The following ILKAP variants were observed in gnomAD, a reference collection of about 807,000 sequenced individuals.
The protein encoded by ILKAP is ILK associated serine/threonine phosphatase.
ILKAP carries 11 observed loss-of-function variants against 49.1 expected under a neutral mutation model. The observed-to-expected ratio is 0.22, with a 90% CI of 0.14 to 0.37. The LOEUF is 0.37. ILKAP is among the 10% of genes least tolerant of loss of function. ILKAP has a pLI of 1.00. For missense variants in ILKAP, 363 were observed against 510.8 expected, an observed-to-expected ratio of 0.71 and a Z score of 2.79; for synonymous variants, 186 against 192.8, an observed-to-expected ratio of 0.96 and a Z score of 0.29.
At chr2:238,203,255 G>A (rs952016913) in intron 1 of ILKAP, among the ~76,000 whole-genome samples, 2 of 150,936 alleles carry the variant, frequency 1.3e-5, no homozygotes, top group African/African-American at 4.8e-5. Flanking sequence ...ACGACGGCTC[G>A]GCCCTTTCCT....
rs143967497 is a variant in ILKAP, at chr2:238,170,575, G to T, written c.1140C>A (p.Ala380=). The T allele has an allele frequency of 1.2e-6, 2 of 1,606,924 alleles. No homozygotes were observed. Among genetic ancestry groups the T allele is most frequent in the Non-Finnish European group, 1.7e-6 (2 of 1,174,514 alleles). ...GCACCACCATCACAGTGACGTTGTC[G>T]GCCGAGCCCCGCTGCACCGCCTTGT... The part of the protein sequence containing the change: ...LANKAVQRGS[A]DNVTVMVVRI... The change falls in exon 12 of 12, where the codon GCC becomes GCA. Residue 380 remains alanine, a synonymous_variant. Transcript: ENST00000254654.
chr2:238,188,338 G>T, intron 4 of ILKAP, 81 bp from the exon 5 acceptor site: 1 of 1,508,754 alleles, frequency 6.6e-7, no homozygotes. Flanking sequence ...AAATGAGAGG[G>T]AACTATGACT....
chr2:238,189,924 C>T lies in ILKAP; in HGVS notation c.227G>A (p.Gly76Glu). 1 of 1,613,954 alleles carries T rather than the reference C, an allele frequency of 6.2e-7. No individual in the cohort carries two copies. The highest frequency in any genetic ancestry group is 8.5e-7 in the Non-Finnish European group (1 of 1,179,856). ...ISQMVKTEGK[G>E]AKRKTSEEEK... ...TTCCTCGGAGGTTTTTCTCTTTGCT[C>T]CTTTCCCTTCAGTCTTTACCATCTG... The change falls in exon 4 of 12, where the codon GGA becomes GAA. Residue 76 changes from glycine to glutamate, a missense_variant. By Grantham distance (98) the Gly-to-Glu change is moderately conservative. Transcript: ENST00000254654.
rs576301921 is a variant in ILKAP, at chr2:238,179,619, T to C, written c.836+2446A>G. ...CTGATGACGCAAGGCAACAGGAGCATCCGGCTGTCACCACCGGAGCCAAGT... is the reference window on the plus strand; with the variant it reads ...CTGATGACGCAAGGCAACAGGAGCACCCGGCTGTCACCACCGGAGCCAAGT... On this transcript the variant is annotated intron_variant, in intron 9 of 11. Coordinates refer to ENST00000254654, the MANE Select transcript of ILKAP (RefSeq NM_030768.3). Among the ~76,000 whole-genome samples, 15 of 152,224 alleles carry C rather than the reference T, an allele frequency of 9.9e-5. No individual in the cohort carries two copies. In the South Asian group the frequency reaches 2.5e-3, roughly 25 times the overall value.
chr2:238,185,806 A>AG (rs996900924), intron 5 of ILKAP: 8 of 153,468 alleles, frequency 5.2e-5, no homozygotes, highest in African/African-American at 1.9e-4. Flanking sequence ...TCTGTCTAAA[A>AG]AAAAAAAAAA....
chr2:238,193,835 T>G (rs765432019), intron 3 of ILKAP, among the ~76,000 whole-genome samples: 8 of 152,200 alleles, frequency 5.3e-5, no homozygotes, highest in Admixed American at 1.3e-4. Context: ...TTTGCCGCAA[T>G]GGCAACAGGA....
intron 1 of ILKAP, among the ~76,000 whole-genome samples, chr2:238,199,599 T>G (rs906073045): frequency 6.6e-6 from 1 of 152,166 alleles, no homozygotes; most frequent in African/African-American, 2.4e-5. Flanking sequence ...CCCTTAGTAA[T>G]GTATATTGCA....
intron 5 of ILKAP, among the ~76,000 whole-genome samples, chr2:238,187,811 C>T (rs1693967630): frequency 6.6e-6 from 1 of 152,150 alleles, no homozygotes; most frequent in Non-Finnish European, 1.5e-5. Flanking sequence ...GCTGCTCAAC[C>T]GCGACACTAC....
rs1395119881 is a variant in ILKAP, at chr2:238,194,666, G to A, written c.121+139C>T. On this transcript the variant is annotated intron_variant, in intron 2 of 11. Transcript: ENST00000254654. Reference sequence around the variant, plus strand: ...TTTTTCTGCCTTACCTGATGCCATGGATTCAAAACTTAAAGACAGTCCAAC... The same window carrying A: ...TTTTTCTGCCTTACCTGATGCCATGAATTCAAAACTTAAAGACAGTCCAAC... The A allele has an allele frequency of 3.6e-6, 3 of 834,900 alleles. No homozygotes were observed. The East Asian group carries it at 7.8e-5, about 22-fold the overall frequency. 51.7% of individuals were successfully genotyped at this position (834,900 alleles called of 1,614,324 possible). A position where few individuals can be genotyped will look rare whatever the true frequency, so the allele number is the denominator to read the frequency against.
chr2:238,182,759 T>C (rs1275402704), intron 8 of ILKAP, among the ~76,000 whole-genome samples: 1 of 152,122 alleles, frequency 6.6e-6, no homozygotes, highest in Admixed American at 6.6e-5. Context: ...CCTGTCTTTG[T>C]TTTTTTGCCA....
chr2:238,201,274 T>C (rs1378787886), intron 1 of ILKAP, among the ~76,000 whole-genome samples: 3 of 152,242 alleles, frequency 2.0e-5, no homozygotes, highest in Admixed American at 6.5e-5. Flanking sequence ...TCTCATCTTG[T>C]TGGTTGTAGC....
At chr2:238,185,435 G>A in intron 5 of ILKAP, 148 bp from the exon 6 acceptor site, 3 of 533,810 alleles carry the variant, frequency 5.6e-6, no homozygotes, top group Non-Finnish European at 1.0e-5. Flanking sequence ...TGTTACAAAT[G>A]GGAAAAAAAA....
chr2:238,202,081 C>CG (rs1255517224), intron 1 of ILKAP, among the ~76,000 whole-genome samples: 2 of 152,058 alleles, frequency 1.3e-5, no homozygotes, highest in African/African-American at 4.8e-5. Context: ...AAAAATTAGC[C>CG]GGGTGTGGTG....
intron 8 of ILKAP, among the ~76,000 whole-genome samples, chr2:238,183,408 C>T (rs148158393): frequency 2.0e-5 from 3 of 152,226 alleles, no homozygotes; most frequent in East Asian, 3.9e-4. Flanking sequence ...ACAAAAAAGA[C>T]GGGATCTGGG....
In ILKAP at chr2:238,184,742, T is replaced by TC. The variant is rs11407686; in HGVS notation, c.532+438_532+439insG. On this transcript the variant is annotated intron_variant, in intron 6 of 11. Transcript: ENST00000254654. ...TGTCCAGTTAGGTTTGTTTTTTTTT[T>TC]TTATAGAGATAGAGTCTCCCTATGT... 9.9e-3 allele frequency among the ~76,000 whole-genome samples: 1,498 copies of TC among 150,836 alleles called. 9 individuals are homozygous for TC. Among genetic ancestry groups the TC allele is most frequent in the Non-Finnish European group, 0.016 (1,086 of 67,754 alleles).
At chr2:238,176,968 T>C (rs926538928) in intron 9 of ILKAP, among the ~76,000 whole-genome samples, 3 of 152,232 alleles carry the variant, frequency 2.0e-5, no homozygotes, top group Admixed American at 6.5e-5. Context: ...ACAGTTACTT[T>C]TGGTTATCAG....
Position 238,194,327 on chromosome 2 carries a change from T to TG in ILKAP, c.125dup (p.Gly43ArgfsTer7). ...GATCATCAAAAAGCAAAGGTCCCCC[T>TG]GATCCTGAAACACAGCAGAACACTT... On this transcript the variant is annotated frameshift_variant, in exon 3 of 12. Transcript: ENST00000254654. LOFTEE classifies it high-confidence loss of function. 1 of 1,614,082 alleles carries TG rather than the reference T, an allele frequency of 6.2e-7. No individual in the cohort carries two copies. Among genetic ancestry groups the TG allele is most frequent in the Non-Finnish European group, 8.5e-7 (1 of 1,179,972 alleles).
chr2:238,176,488 AG>A (rs1559289377), intron 9 of ILKAP, among the ~76,000 whole-genome samples: 1 of 152,198 alleles, frequency 6.6e-6, no homozygotes, highest in East Asian at 1.9e-4. Flanking sequence ...CCTTGGTACC[AG>A]CCCTCATTAG....
intron 3 of ILKAP, among the ~76,000 whole-genome samples, chr2:238,190,302 TAAAC>T (rs1380290886): frequency 6.6e-6 from 1 of 152,192 alleles, no homozygotes; most frequent in Non-Finnish European, 1.5e-5. Context: ...CTCTTAGTGT[TAAAC>T]AAACACTTAC....
Sources: gnomAD v4.1 joint callset for allele counts (sites outside exome capture counted in the v4.1 genomes callset) on GRCh38, gnomAD v4.1.1 for gene constraint, MANE v1.5 for transcripts, NCBI Gene and HGNC (gene_info 2026-07-23, HGNC 2026-07-21) for gene names.